Variants in SRRM4 observed in about 807,000 individuals in gnomAD.
SRRM4 encodes serine/arginine repetitive matrix 4.
A neutral mutation model predicts 68.9 loss-of-function variants in SRRM4; 33 were observed. The ratio of observed to expected loss-of-function variants is 0.48; its 90% CI spans 0.36 to 0.64. The LOEUF is 0.64. SRRM4 is among the 30% of genes least tolerant of loss of function. The probability of loss-of-function intolerance (pLI) is 0.00; values close to 1 mark genes in which losing one functional copy is unlikely to be tolerated. For synonymous variants in SRRM4, 318 were observed against 318.8 expected (o/e 1.00, Z 0.03); for missense variants, 817 against 827.1 (o/e 0.99, Z 0.15).
intron 1 of SRRM4, among the ~76,000 whole-genome samples, chr12:119,088,063 G>A (rs1229793891): frequency 6.6e-6 from 1 of 152,154 alleles, no homozygotes; most frequent in Non-Finnish European, 1.5e-5. Context: ...ACAATGAGCT[G>A]GGGAAGTTGG....
chr12:119,162,156 T>C lies in SRRM4; in HGVS notation c.*5358T>C, dbSNP rs1208929771. 6.6e-6 allele frequency: 1 copy of C among 152,154 alleles called. No individual in the cohort carries two copies. The highest frequency in any genetic ancestry group is 1.5e-5 in the Non-Finnish European group (1 of 68,030). 9.4% of individuals were successfully genotyped at this position (152,154 alleles called of 1,614,324 possible). A position where few individuals can be genotyped will look rare whatever the true frequency, so the allele number is the denominator to read the frequency against. On this transcript the variant is annotated 3_prime_UTR_variant, in exon 13 of 13. Transcript: ENST00000267260. The stretch of plus-strand genomic sequence containing the variant: ...GGACTCCATACTGTTGGATATATTG[T>C]CTCTTGTGTCTTCTGCTGACTGCAG...
At chr12:119,029,308 G>A (rs61937960) in intron 1 of SRRM4, among the ~76,000 whole-genome samples, 20,289 of 152,186 alleles carry the variant, frequency 0.13, 1,430 homozygotes, top group East Asian at 0.26. Context: ...GATTGAAGGC[G>A]CTGGGTATGC....
intron 1 of SRRM4, among the ~76,000 whole-genome samples, chr12:119,040,631 G>T (rs1953662317): frequency 6.6e-6 from 1 of 152,144 alleles, no homozygotes; most frequent in South Asian, 2.1e-4. Flanking sequence ...TTTTGCAATT[G>T]TGAATTGTGC....
chr12:119,094,984 C>T (rs915695318), intron 1 of SRRM4, among the ~76,000 whole-genome samples: 3 of 152,158 alleles, frequency 2.0e-5, no homozygotes, highest in African/African-American at 7.2e-5. Context: ...CTAAAATGAA[C>T]ATTACTGCCC....
At chr12:119,041,816 T>C (rs1040227980) in intron 1 of SRRM4, among the ~76,000 whole-genome samples, 3 of 152,144 alleles carry the variant, frequency 2.0e-5, no homozygotes, top group Non-Finnish European at 4.4e-5. Context: ...CTCTGGATGG[T>C]GGTCAGAGGG....
chr12:119,109,845 T>C (rs1297770021), intron 2 of SRRM4, among the ~76,000 whole-genome samples: 3 of 152,262 alleles, frequency 2.0e-5, no homozygotes, highest in African/African-American at 7.2e-5. Context: ...TCATTCTCCG[T>C]CCAGCTTTGT....
At chr12:119,015,126 T>C (rs557683636) in intron 1 of SRRM4, among the ~76,000 whole-genome samples, 86 of 152,308 alleles carry the variant, frequency 5.6e-4, no homozygotes, top group African/African-American at 2.0e-3. Flanking sequence ...AAGGTGTTTG[T>C]TGAGTGAAAA....
intron 2 of SRRM4, among the ~76,000 whole-genome samples, chr12:119,112,324 AAATAGGAATGCT>A (rs1472863806): frequency 6.6e-6 from 1 of 152,214 alleles, no homozygotes; most frequent in Non-Finnish European, 1.5e-5. Context: ...GGTTGTACAG[AAATAGGAATGCT>A]TTTACACTAT....
intron 4 of SRRM4, 34 bp from the exon 5 acceptor site, chr12:119,120,213 ATTC>A (rs1565912791): frequency 7.7e-7 from 1 of 1,304,230 alleles, no homozygotes; most frequent in Admixed American, 2.6e-5. Context: ...TTTTTCTTTG[ATTC>A]TTCTTTTCAT....
intron 1 of SRRM4, among the ~76,000 whole-genome samples, chr12:119,020,946 T>C (rs1953512463): frequency 6.6e-6 from 1 of 152,118 alleles, no homozygotes; most frequent in Non-Finnish European, 1.5e-5. Flanking sequence ...TAGAGGGCGC[T>C]GTAGAGGCAG....
intron 1 of SRRM4, among the ~76,000 whole-genome samples, chr12:118,993,648 G>T (rs918189681): frequency 6.6e-6 from 1 of 152,248 alleles, no homozygotes; most frequent in East Asian, 1.9e-4. Context: ...CCAAAGAAAA[G>T]ACACCTTGAC....
rs114697303 is a variant in SRRM4, at chr12:119,038,139, G to A, written c.131+56126G>A. Among the ~76,000 whole-genome samples the A allele has an allele frequency of 2.7e-3, 417 of 152,214 alleles. 5 individuals are homozygous for A. Among genetic ancestry groups the A allele is most frequent in the African/African-American group, 9.3e-3 (388 of 41,532 alleles). On this transcript the variant is annotated intron_variant, in intron 1 of 12. Transcript: ENST00000267260. ...CCTTCTTTGTGTTGACAGTCCAGTA[G>A]CAACACAGATAAGTAATCCTCCTCT...
intron 1 of SRRM4, among the ~76,000 whole-genome samples, chr12:119,082,451 GAGA>G (rs1270562747): frequency 2.0e-5 from 3 of 152,218 alleles, no homozygotes; most frequent in African/African-American, 4.8e-5. Context: ...GCTCTCTAGC[GAGA>G]AGGAGAATGT....
chr12:119,026,846 C>A (rs7313274), intron 1 of SRRM4, among the ~76,000 whole-genome samples: 45,635 of 151,972 alleles, frequency 0.3, 7,187 homozygotes, highest in Non-Finnish European at 0.35. Context: ...CCACAATGAT[C>A]CTTTAAATTT....
intron 1 of SRRM4, among the ~76,000 whole-genome samples, chr12:119,064,570 A>G (rs1027708304): frequency 2.6e-5 from 4 of 152,206 alleles, no homozygotes; most frequent in Non-Finnish European, 4.4e-5. Flanking sequence ...AAAACTAGCT[A>G]TAACTCCGCT....
At chr12:119,017,798 A>G (rs1447252077) in intron 1 of SRRM4, among the ~76,000 whole-genome samples, 1 of 152,046 alleles carries the variant, frequency 6.6e-6, no homozygotes, top group Non-Finnish European at 1.5e-5. Flanking sequence ...ACCACAGTGA[A>G]CTCATTCTGC....
chr12:119,043,684 G>C (rs1311294396), intron 1 of SRRM4, among the ~76,000 whole-genome samples: 2 of 151,522 alleles, frequency 1.3e-5, no homozygotes, highest in Non-Finnish European at 2.9e-5. Flanking sequence ...ACAAAGAAAG[G>C]ACAAAGAAAA....
rs769645543 is a variant in SRRM4, at chr12:119,130,788, C to T, written c.725C>T (p.Pro242Leu). The change falls in exon 8 of 13, where the codon CCC becomes CTC. Residue 242 changes from proline (P) to leucine (L), a missense_variant. Transcript: ENST00000267260. The part of the protein sequence containing the change: ...DSPEAQSSRP[P>L]SQPLQMLGYL... The stretch of plus-strand genomic sequence containing the variant: ...CCTGAGGCCCAGTCCAGTCGCCCGC[C>T]CAGTCAACCCCTCCAGATGCTTGGC... 1.2e-6 allele frequency: 2 copies of T among 1,608,896 alleles called. No homozygotes were observed. The highest frequency in any genetic ancestry group is 2.7e-5 in the African/African-American group (2 of 75,062).
chr12:118,982,036 G>T (rs1953250925), intron 1 of SRRM4, 23 bp downstream of exon 1: 1 of 1,595,476 alleles, frequency 6.3e-7, no homozygotes, highest in African/African-American at 1.3e-5. Context: ...TTCTTAGAAG[G>T]GGGGATCCTG....
Sources: allele counts gnomAD v4.1 joint callset (sites outside exome capture counted in the v4.1 genomes callset), GRCh38; gene constraint gnomAD v4.1.1; transcripts MANE v1.5; gene names NCBI Gene and HGNC (gene_info 2026-07-23, HGNC 2026-07-21).